Variants in OCA2 observed in about 807,000 individuals in gnomAD.
OCA2 encodes P protein.
OCA2 carries 77 observed loss-of-function variants against 100.2 expected under a neutral mutation model. The ratio of observed to expected loss-of-function variants is 0.77; its 90% CI spans 0.64 to 0.93. The LOEUF is 0.93. Ranked by LOEUF, OCA2 falls within the 40% of genes least tolerant of loss-of-function variation. The probability of loss-of-function intolerance (pLI) is 0.00; values close to 1 mark genes in which losing one functional copy is unlikely to be tolerated. For synonymous variants in OCA2, 432 were observed against 439.2 expected, an observed-to-expected ratio of 0.98 and a Z score of 0.21; for missense variants, 1,062 against 1,089.1, an observed-to-expected ratio of 0.98 and a Z score of 0.35.
rs897553488 is a variant in OCA2 at position 28,020,618 on chromosome 15, G to A, written c.646+1883C>T. Among the ~76,000 whole-genome samples, 91 of 152,324 alleles carry A rather than the reference G, an allele frequency of 6.0e-4. 2 individuals carry two copies. The highest frequency in any genetic ancestry group is 2.1e-3 in the African/African-American group (87 of 41,566). On this transcript the variant is annotated intron_variant, in intron 6 of 23. Transcript: ENST00000354638. ...CCTGGAGAAGTAATGCAGAGGTCGA[G>A]GCACAAGAATGAGAAACAAAGTCTG...
intron 19 of OCA2, among the ~76,000 whole-genome samples, chr15:27,922,883 GT>G (rs898043532): frequency 2.6e-5 from 4 of 152,034 alleles, no homozygotes; most frequent in African/African-American, 9.7e-5. Flanking sequence ...TGTCACAGGA[GT>G]TTGTTGTACA....
At chr15:27,740,326 C>T in the OCA2 span, among the ~76,000 whole-genome samples, 1 of 152,014 alleles carries the variant, frequency 6.6e-6, no homozygotes, top group African/African-American at 2.4e-5. Flanking sequence ...CAAAAGGTCC[C>T]CTACATTTTT....
At chr15:27,954,152 CACACA>C (rs775461268) in intron 17 of OCA2, among the ~76,000 whole-genome samples, 2 of 54,352 alleles carry the variant, frequency 3.7e-5, no homozygotes, top group Non-Finnish European at 1.5e-4. Context: ...CACACACACA[CACACA>C]CACCTAGGGT....
chr15:27,832,574 G>A (rs1333930434), intron 23 of OCA2, among the ~76,000 whole-genome samples: 1 of 152,154 alleles, frequency 6.6e-6, no homozygotes, highest in African/African-American at 2.4e-5. Context: ...TTGCCATCTG[G>A]GAACCTCAGT....
intron 15 of OCA2, among the ~76,000 whole-genome samples, chr15:27,958,844 A>G (rs1166746315): frequency 2.6e-5 from 4 of 152,198 alleles, no homozygotes. Flanking sequence ...ATGAAAAGAC[A>G]AAGCCTTTCA....
chr15:28,081,841 G>T lies in OCA2; in HGVS notation c.34C>A (p.Pro12Thr), dbSNP rs759852184. ...AGGAGCTCCACCGCCGGCGCGCCGG[G>T]GTACCGCCTGCCGTCTCTGCCCTCC... is the stretch of plus-strand genomic sequence containing the variant. ...HLEGRDGRRY[P>T]GAPAVELLQT... Residue 12 changes from proline to threonine, a missense_variant, in exon 2 of 24, where the codon CCC becomes ACC. Coordinates refer to ENST00000354638, the MANE Select transcript of OCA2 (RefSeq NM_000275.3). 1.9e-6 allele frequency: 3 copies of T among 1,611,502 alleles called. No individual in the cohort carries two copies. The Admixed American group carries it at 5.0e-5, about 27-fold the overall frequency.
At chr15:27,782,262 C>G (rs934550668) in intron 23 of OCA2, among the ~76,000 whole-genome samples, 1 of 152,160 alleles carries the variant, frequency 6.6e-6, no homozygotes, top group Admixed American at 6.5e-5. Flanking sequence ...ATAGAGCAAC[C>G]TCAAATGAAA....
chr15:28,028,116 A>G, intron 3 of OCA2, 57 bp from the exon 4 acceptor site: 1 of 1,593,158 alleles, frequency 6.3e-7, no homozygotes, highest in Non-Finnish European at 8.6e-7. Flanking sequence ...CTACAAAGCA[A>G]GCTTTCCTCT....
At chr15:27,934,881 T>TA (rs1355472178) in intron 18 of OCA2, among the ~76,000 whole-genome samples, 1 of 152,206 alleles carries the variant, frequency 6.6e-6, no homozygotes, top group Non-Finnish European at 1.5e-5. Context: ...AATTCCCTCT[T>TA]ACTTTTAATC....
At chr15:28,014,662 A>C (rs1308243471) in intron 9 of OCA2, 114 bp downstream of exon 9, 7 of 1,122,902 alleles carry the variant, frequency 6.2e-6, no homozygotes, top group Non-Finnish European at 7.8e-6. Context: ...GAATGATGAC[A>C]CTAGTCCAGT....
rs1219194521 is a variant in OCA2, at chr15:27,986,597, C to A, written c.1229G>T (p.Cys410Phe). The A allele has an allele frequency of 6.3e-7, 1 of 1,585,062 alleles. No individual in the cohort carries two copies. Among genetic ancestry groups the A allele is most frequent in the African/African-American group, 1.3e-5 (1 of 74,516 alleles). ...IFSETGFFDY[C>F]AVKAYRLSRG... The stretch of plus-strand genomic sequence containing the variant: ...CAACATCATACCTACCTTTACAGCA[C>A]AATAATCGAAAAATCCCGTTTCTGA... Residue 410 changes from cysteine to phenylalanine, a missense_variant, in exon 12 of 24, where the codon TGT (cysteine) becomes TTT (phenylalanine). Physicochemically the swap from Cys to Phe is radical, Grantham distance 205 (BLOSUM62 -2). Coordinates refer to ENST00000354638, the MANE Select transcript of OCA2 (RefSeq NM_000275.3).
chr15:27,873,632 G>C (rs2036672354), intron 19 of OCA2, among the ~76,000 whole-genome samples: 1 of 152,040 alleles, frequency 6.6e-6, no homozygotes, highest in African/African-American at 2.4e-5. Flanking sequence ...TGTACCTATA[G>C]ACATTTATAT....
At chr15:27,888,882 T>C (rs1256733810) in intron 19 of OCA2, among the ~76,000 whole-genome samples, 3 of 152,156 alleles carry the variant, frequency 2.0e-5, no homozygotes, top group South Asian at 2.1e-4. Flanking sequence ...CTCTCTTGTA[T>C]TGTAGTGATA....
At chr15:28,046,942 T>C (rs1367000769) in intron 2 of OCA2, among the ~76,000 whole-genome samples, 1 of 152,202 alleles carries the variant, frequency 6.6e-6, no homozygotes, top group Non-Finnish European at 1.5e-5. Context: ...TGTCATCCTC[T>C]TTGAAAATTT....
chr15:27,922,783 AT>A (rs1213827193), intron 19 of OCA2, among the ~76,000 whole-genome samples: 39 of 137,054 alleles, frequency 2.8e-4, no homozygotes, highest in African/African-American at 7.0e-4. Context: ...ACCCACCATC[AT>A]TTTTTTTTTA....
At chr15:27,892,555 G>A (rs560308957) in intron 19 of OCA2, among the ~76,000 whole-genome samples, 9 of 152,046 alleles carry the variant, frequency 5.9e-5, no homozygotes, top group Admixed American at 2.6e-4. Flanking sequence ...GGGTGCAACC[G>A]AAATATAACT....
At chr15:28,004,298 G>A (rs1017119631) in intron 9 of OCA2, among the ~76,000 whole-genome samples, 4 of 152,180 alleles carry the variant, frequency 2.6e-5, no homozygotes, top group Non-Finnish European at 2.9e-5. Context: ...AGCTGTCCCC[G>A]TGGTGTGCTG....
At chr15:28,023,490 G>C (rs7174197) in intron 5 of OCA2, among the ~76,000 whole-genome samples, 15,005 of 152,182 alleles carry the variant, frequency 0.099, 2,354 homozygotes, top group African/African-American at 0.33. Context: ...ACGCGTGCAG[G>C]TCACGAAACA....
intron 23 of OCA2, among the ~76,000 whole-genome samples, chr15:27,843,292 G>T (rs942305858): frequency 6.6e-6 from 1 of 152,134 alleles, no homozygotes; most frequent in Non-Finnish European, 1.5e-5. Context: ...CTGGTAGAGA[G>T]GGTGAACTGA....
Sources: gnomAD v4.1 joint callset for allele counts (sites outside exome capture counted in the v4.1 genomes callset) on GRCh38, gnomAD v4.1.1 for gene constraint, MANE v1.5 for transcripts, NCBI Gene and HGNC (gene_info 2026-07-23, HGNC 2026-07-21) for gene names.